Variants in DGKG observed in about 807,000 individuals in gnomAD.
The protein encoded by DGKG is diacylglycerol kinase gamma, also known as DAG kinase gamma.
Under a neutral mutation model 105.3 loss-of-function variants are expected in DGKG, and 78 were observed. That is an observed-to-expected ratio of 0.74 (90% CI 0.62 to 0.89). The LOEUF is 0.89. Ranked by LOEUF, DGKG falls within the 40% of genes least tolerant of loss-of-function variation. DGKG has a pLI of 0.00. For missense variants in DGKG, 958 were observed against 1,020.1 expected (o/e 0.94, Z 0.83); for synonymous variants, 346 against 367.1 (o/e 0.94, Z 0.66).
chr3:186,251,681 C>G (rs1721234649), intron 19 of DGKG, 78 bp downstream of exon 19: 10 of 1,554,614 alleles, frequency 6.4e-6, no homozygotes, highest in African/African-American at 2.7e-5. Context: ...ACTAGGGACC[C>G]AGAGGGGACA....
chr3:186,355,418 C>T (rs550278452), intron 1 of DGKG, among the ~76,000 whole-genome samples: 3 of 150,738 alleles, frequency 2.0e-5, no homozygotes, highest in African/African-American at 2.4e-5. Flanking sequence ...ACCACCACCA[C>T]CACCATGAAC....
intron 1 of DGKG, among the ~76,000 whole-genome samples, chr3:186,344,203 A>C (rs1387942258): frequency 2.0e-5 from 3 of 152,194 alleles, no homozygotes; most frequent in Non-Finnish European, 2.9e-5. Flanking sequence ...TAAAAGCAGA[A>C]CTACCATTGG....
chr3:186,200,248 GCT>G (rs1429250209), intron 21 of DGKG, among the ~76,000 whole-genome samples: 1 of 152,168 alleles, frequency 6.6e-6, no homozygotes, highest in Non-Finnish European at 1.5e-5. Context: ...TGTGGAGGAT[GCT>G]CTGTGTGCCC....
At chr3:186,261,108 C>T (rs1721752845) in intron 15 of DGKG, among the ~76,000 whole-genome samples, 1 of 152,096 alleles carries the variant, frequency 6.6e-6, no homozygotes, top group Non-Finnish European at 1.5e-5. Flanking sequence ...GGGTGGGGGT[C>T]CTCATAGTTC....
At chr3:186,207,623 G>T in intron 21 of DGKG, 1 of 273,384 alleles carries the variant, frequency 3.7e-6, no homozygotes, top group Non-Finnish European at 5.6e-6. Context: ...TTATAGATGA[G>T]AATACTGAGG....
chr3:186,356,298 G>A (rs928209774), intron 1 of DGKG, among the ~76,000 whole-genome samples: 9 of 152,146 alleles, frequency 5.9e-5, no homozygotes, highest in Non-Finnish European at 8.8e-5. Context: ...TGAGAGGGCC[G>A]GTAAATACAC....
chr3:186,294,433 G>A (rs1364689551), intron 5 of DGKG, among the ~76,000 whole-genome samples: 1 of 151,994 alleles, frequency 6.6e-6, no homozygotes, highest in Non-Finnish European at 1.5e-5. Context: ...CTACTCAGGA[G>A]GCTGAGACAG....
intron 1 of DGKG, among the ~76,000 whole-genome samples, chr3:186,321,246 C>CAAA (rs1725062079): frequency 6.6e-6 from 1 of 152,166 alleles, no homozygotes; most frequent in African/African-American, 2.4e-5. Context: ...TGGATTCAAA[C>CAAA]AAACACTGAG....
intron 10 of DGKG, among the ~76,000 whole-genome samples, chr3:186,272,620 C>T (rs955642888): frequency 2.0e-5 from 3 of 152,252 alleles, no homozygotes; most frequent in Admixed American, 6.5e-5. Context: ...CCCAGAAAGG[C>T]GCTTTTTCCT....
Position 186,261,711 on chromosome 3 carries a change from C to T in DGKG, c.1337G>A (p.Arg446Lys). ...GAAGAGAACGTACCTTTCTCCTTGTCTCCCTCCACTCTTGGGGTTCACCAA... is the reference window on the plus strand; with the variant it reads ...GAAGAGAACGTACCTTTCTCCTTGTTTCCCTCCACTCTTGGGGTTCACCAA... ...LVLVNPKSGG[R>K]QGERILRKFH... is the part of the protein sequence containing the mutation. Residue 446 changes from arginine to lysine, a missense_variant, in exon 15 of 25, where the codon AGA (arginine) becomes AAA (lysine). Arg to Lys is a conservative substitution (Grantham distance 26). Transcript: ENST00000265022. 6.2e-7 allele frequency: 1 copy of T among 1,606,444 alleles called. No individual in the cohort carries two copies.
intron 20 of DGKG, among the ~76,000 whole-genome samples, chr3:186,233,570 C>T (rs1720262812): frequency 6.6e-6 from 1 of 152,180 alleles, no homozygotes; most frequent in African/African-American, 2.4e-5. Context: ...AGCTCCGCCT[C>T]CCGGGTTCAC....
chr3:186,361,700 C>A lies in DGKG; in HGVS notation c.-249+246G>T, dbSNP rs962470744. On this transcript the variant is annotated intron_variant, in intron 1 of 24. Transcript: ENST00000265022. The surrounding 1 kb of genome is among the most constrained non-coding windows in gnomAD (Gnocchi z 6.8). ...CGCACAGCTTTGAGGCTTGAGGGGGCCTCTCAGTCGCAGAGAGAGCCGAGC... is the reference window on the plus strand; with the variant it reads ...CGCACAGCTTTGAGGCTTGAGGGGGACTCTCAGTCGCAGAGAGAGCCGAGC... Among the ~76,000 whole-genome samples the A allele has an allele frequency of 1.3e-5, 2 of 152,240 alleles. No individual in the cohort carries two copies. Among genetic ancestry groups the A allele is most frequent in the African/African-American group, 4.8e-5 (2 of 41,466 alleles).
At position 186,341,910 on chromosome 3, in the gene DGKG, G is replaced by T. The variant is rs941911979; in HGVS notation, c.-249+20036C>A. On this transcript the variant is annotated intron_variant, in intron 1 of 24. Transcript: ENST00000265022. ...AAAACATCATTCTCAGTAAACTATC[G>T]CAAGAACAAAAAACCAAACACCCCA... 3.9e-5 allele frequency among the ~76,000 whole-genome samples: 6 copies of T among 152,174 alleles called. No individual in the cohort carries two copies. The South Asian group carries it at 8.3e-4, about 21-fold the overall frequency.
At chr3:186,176,601 CT>C (rs1717089578) in intron 22 of DGKG, among the ~76,000 whole-genome samples, 1 of 152,108 alleles carries the variant, frequency 6.6e-6, no homozygotes, top group Non-Finnish European at 1.5e-5. Context: ...GTTTGGAATA[CT>C]AGGATTTGGG....
intron 1 of DGKG, among the ~76,000 whole-genome samples, chr3:186,347,725 G>T (rs559203160): frequency 2.6e-5 from 4 of 151,988 alleles, no homozygotes; most frequent in African/African-American, 9.6e-5. Context: ...TGGGATTATA[G>T]ATGCCCACCA....
At chr3:186,360,168 T>C (rs894910346) in intron 1 of DGKG, among the ~76,000 whole-genome samples, 1 of 151,932 alleles carries the variant, frequency 6.6e-6, no homozygotes, top group Non-Finnish European at 1.5e-5. Flanking sequence ...GTTGGAGCAG[T>C]TGGGGGAGCT....
chr3:186,244,871 A>C (rs1378587702), intron 19 of DGKG, among the ~76,000 whole-genome samples: 1 of 152,110 alleles, frequency 6.6e-6, no homozygotes, highest in Non-Finnish European at 1.5e-5. Flanking sequence ...CCCAGACTGT[A>C]CCCACCTCCC....
chr3:186,342,615 C>T (rs919446295), intron 1 of DGKG, among the ~76,000 whole-genome samples: 3 of 151,484 alleles, frequency 2.0e-5, no homozygotes, highest in Non-Finnish European at 4.4e-5. Context: ...CTCATTCTGA[C>T]CAACAGAAAG....
intron 1 of DGKG, among the ~76,000 whole-genome samples, chr3:186,346,842 A>AG (rs1317227615): frequency 6.6e-6 from 1 of 152,206 alleles, no homozygotes; most frequent in Non-Finnish European, 1.5e-5. Flanking sequence ...CATTCCATCA[A>AG]GCTCCTTATA....
Sources: gnomAD v4.1 joint callset for allele counts (sites outside exome capture counted in the v4.1 genomes callset) on GRCh38, gnomAD v4.1.1 for gene constraint, Gnocchi (gnomAD v3.1) non-coding constraint, MANE v1.5 for transcripts, NCBI Gene and HGNC (gene_info 2026-07-23, HGNC 2026-07-21) for gene names.